The following BTBD16 variants were observed in gnomAD, a reference collection of about 807,000 sequenced individuals.
BTBD16 encodes the protein BTB/POZ domain-containing protein 16.
In BTBD16, 66 loss-of-function variants were observed where a neutral mutation model predicts 67.4. The observed-to-expected ratio is 0.98, with a 90% confidence interval of 0.80 to 1.20. The LOEUF is 1.20. Ranked by LOEUF, BTBD16 falls within the 50% of genes most tolerant of loss-of-function variation. The pLI is 0.00. For synonymous variants in BTBD16, 242 were observed against 236.4 expected, an observed-to-expected ratio of 1.02 and a Z score of -0.22; for missense variants, 634 against 616.0, an observed-to-expected ratio of 1.03 and a Z score of -0.31.
At chr10:122,311,749 C>CCAGAA (rs1343608660) in intron 10 of BTBD16, among the ~76,000 whole-genome samples, 1 of 152,232 alleles carries the variant, frequency 6.6e-6, no homozygotes, top group Non-Finnish European at 1.5e-5. Flanking sequence ...AGCACCCAGA[C>CCAGAA]CAGAACAGGG....
chr10:122,334,494 CTTTTT>C (rs869262992), intron 13 of BTBD16, among the ~76,000 whole-genome samples: 1 of 43,256 alleles, frequency 2.3e-5, no homozygotes, highest in Non-Finnish European at 3.7e-5. Context: ...CGTGCCCGGC[CTTTTT>C]TTTTTTTTTT....
chr10:122,332,340 A>G (rs966475835), intron 12 of BTBD16, 96 bp from the exon 13 acceptor site: 10 of 1,073,672 alleles, frequency 9.3e-6, no homozygotes, highest in Non-Finnish European at 1.2e-5. Context: ...AAACCTGGTG[A>G]GGGGGGCAGG....
intron 3 of BTBD16, among the ~76,000 whole-genome samples, chr10:122,278,774 A>G (rs1447032708): frequency 6.6e-6 from 1 of 152,192 alleles, no homozygotes; most frequent in Non-Finnish European, 1.5e-5. Flanking sequence ...GAGGCAGCAG[A>G]TACTCTCAGG....
chr10:122,287,156 T>G (rs1400750558), intron 5 of BTBD16, among the ~76,000 whole-genome samples: 1 of 152,188 alleles, frequency 6.6e-6, no homozygotes, highest in Non-Finnish European at 1.5e-5. Flanking sequence ...CCAGCTGGGC[T>G]CCTGCAGAAC....
intron 10 of BTBD16, among the ~76,000 whole-genome samples, chr10:122,313,651 T>G (rs1590081588): frequency 6.6e-6 from 1 of 152,344 alleles, no homozygotes; most frequent in East Asian, 1.9e-4. Flanking sequence ...TTGTTTTACC[T>G]TGCATTTAGA....
At chr10:122,295,186 AGG>A (rs1467883745) in intron 7 of BTBD16, 1 of 453,680 alleles carries the variant, frequency 2.2e-6, no homozygotes, top group Non-Finnish European at 2.9e-6. Context: ...GTAAGGAACC[AGG>A]TAGAAGAAGG....
At chr10:122,322,675 T>A (rs920119383) in intron 10 of BTBD16, among the ~76,000 whole-genome samples, 23 of 152,266 alleles carry the variant, frequency 1.5e-4, no homozygotes, top group African/African-American at 5.3e-4. Context: ...TGGAAGATGA[T>A]CTTATTTTGG....
At chr10:122,308,151 C>A (rs1361764778) in intron 10 of BTBD16, among the ~76,000 whole-genome samples, 1 of 152,112 alleles carries the variant, frequency 6.6e-6, no homozygotes, top group Non-Finnish European at 1.5e-5. Flanking sequence ...CTACTGGAAA[C>A]GTCTTAGCAC....
intron 3 of BTBD16, among the ~76,000 whole-genome samples, chr10:122,283,615 C>T (rs1380774735): frequency 5.9e-5 from 9 of 152,142 alleles, no homozygotes; most frequent in African/African-American, 1.2e-4. Flanking sequence ...AATATCTCCT[C>T]GGTAAGGCCT....
intron 10 of BTBD16, among the ~76,000 whole-genome samples, chr10:122,313,572 T>G (rs1007754067): frequency 6.6e-6 from 1 of 152,342 alleles, no homozygotes; most frequent in Non-Finnish European, 1.5e-5. Flanking sequence ...CTATAGTTAG[T>G]GCTATTTAAG....
At chr10:122,336,024 A>G (rs1329438237) in intron 14 of BTBD16, among the ~76,000 whole-genome samples, 1 of 152,190 alleles carries the variant, frequency 6.6e-6, no homozygotes, top group Non-Finnish European at 1.5e-5. Context: ...GCATGAATGA[A>G]GAAACCAGAG....
At chr10:122,271,600 C>G (rs1367987700) in intron 1 of BTBD16, 86 bp downstream of exon 1, 1 of 152,154 alleles carries the variant, frequency 6.6e-6, no homozygotes, top group Non-Finnish European at 1.5e-5. Context: ...CTGTCTAGAC[C>G]CAGTGTTAGA....
intron 10 of BTBD16, among the ~76,000 whole-genome samples, chr10:122,310,122 T>C (rs1296759886): frequency 1.3e-5 from 2 of 152,212 alleles, no homozygotes; most frequent in Non-Finnish European, 1.5e-5. Context: ...TAAATGCTGA[T>C]GGAAAATTCA....
intron 10 of BTBD16, among the ~76,000 whole-genome samples, chr10:122,329,064 CCT>C (rs1352240823): frequency 6.6e-6 from 1 of 152,152 alleles, no homozygotes; most frequent in Non-Finnish European, 1.5e-5. Flanking sequence ...CCGAGCTGAG[CCT>C]CTTTTTCCCA....
intron 10 of BTBD16, chr10:122,328,800 G>C: frequency 1.0e-6 from 1 of 985,402 alleles, no homozygotes; most frequent in African/African-American, 1.7e-5. Flanking sequence ...GTGTGTGCGT[G>C]TCTTCTCAAA....
In BTBD16 at chr10:122,302,357, T is replaced by C. The variant is rs147724163; in HGVS notation, c.791+3223T>C. Among the ~76,000 whole-genome samples the C allele has an allele frequency of 9.7e-4, 147 of 152,262 alleles. 1 individual carries two copies. In the East Asian group the frequency reaches 0.013, roughly 14 times the overall value. On this transcript the variant is annotated intron_variant, in intron 9 of 15. Transcript: ENST00000260723. ...GGTTACACTGTTCTGCTAACTCTAA[T>C]ATTAAGAAGCTTTCATTCCAAGTTC...
intron 15 of BTBD16, 84 bp from the exon 16 acceptor site, chr10:122,337,933 G>C (rs2096465827): frequency 2.6e-6 from 3 of 1,149,556 alleles, no homozygotes; most frequent in Non-Finnish European, 3.9e-6. Context: ...TTCTACAACT[G>C]TTAGTCCTTC....
intron 10 of BTBD16, among the ~76,000 whole-genome samples, chr10:122,321,447 T>A (rs539448888): frequency 6.6e-6 from 1 of 152,372 alleles, no homozygotes; most frequent in South Asian, 2.1e-4. Flanking sequence ...CTTTCCACAG[T>A]GGCTGAACTA....
At chr10:122,333,840 A>C (rs1036183679) in intron 13 of BTBD16, among the ~76,000 whole-genome samples, 1 of 152,200 alleles carries the variant, frequency 6.6e-6, no homozygotes, top group African/African-American at 2.4e-5. Flanking sequence ...TTCAAGGGCC[A>C]CTGATGGCTT....
Sources: allele counts gnomAD v4.1 joint callset (sites outside exome capture counted in the v4.1 genomes callset), GRCh38; gene constraint gnomAD v4.1.1; transcripts MANE v1.5; gene names NCBI Gene and HGNC (gene_info 2026-07-23, HGNC 2026-07-21).